ATM: variants seen among roughly 807,000 people sequenced by gnomAD.
ATM encodes the protein serine-protein kinase ATM.
ATM carries 308 observed loss-of-function variants against 387.0 expected under a neutral mutation model. That is an observed-to-expected ratio of 0.80 (90% CI 0.73 to 0.87). The LOEUF (loss-of-function observed/expected upper bound fraction) is 0.87. Among genes scored for constraint, ATM ranks in the 40% least tolerant of loss-of-function variants. ATM has a pLI of 0.00. For synonymous variants in ATM, 1,156 were observed against 1,187.3 expected (o/e 0.97, Z 0.54); for missense variants, 3,312 against 3,560.9 (o/e 0.93, Z 1.78).
intron 28 of ATM, 48 bp from the exon 29 acceptor site, chr11:108,289,554 C>T (rs2135758049): frequency 7.3e-7 from 1 of 1,379,230 alleles, no homozygotes. Flanking sequence ...TTTATTGTAG[C>T]CGAGTATCTA....
chr11:108,319,132 A>G (rs906336559), intron 43 of ATM, among the ~76,000 whole-genome samples: 3 of 152,000 alleles, frequency 2.0e-5, no homozygotes, highest in Non-Finnish European at 4.4e-5. Context: ...AGCCGAGATC[A>G]TGCCACTGCA....
chr11:108,244,352 C>T (rs1257179453), intron 6 of ATM, among the ~76,000 whole-genome samples: 2 of 151,992 alleles, frequency 1.3e-5, no homozygotes, highest in Non-Finnish European at 1.5e-5. Flanking sequence ...GTTCTGTTGA[C>T]CAGGAAAGTT....
At chr11:108,293,839 C>T in intron 31 of ATM, among the ~76,000 whole-genome samples, 1 of 144,388 alleles carries the variant, frequency 6.9e-6, no homozygotes. Flanking sequence ...GATTGCTCCA[C>T]TGCATTCCAG....
intron 4 of ATM, among the ~76,000 whole-genome samples, chr11:108,231,108 C>T (rs944767361): frequency 3.9e-5 from 6 of 152,120 alleles, no homozygotes; most frequent in African/African-American, 1.4e-4. Flanking sequence ...TGTGAGCTTC[C>T]TTGGCTGTCA....
chr11:108,284,637 C>T (rs369946193), intron 26 of ATM, among the ~76,000 whole-genome samples, 164 bp downstream of exon 26: 1 of 152,162 alleles, frequency 6.6e-6, no homozygotes, highest in East Asian at 1.9e-4. Context: ...TTGGTTATGT[C>T]GTGTTGTCTC....
intron 45 of ATM, 101 bp from the exon 46 acceptor site, chr11:108,325,209 A>G (rs1433332414): frequency 6.3e-6 from 5 of 797,836 alleles, no homozygotes; most frequent in Non-Finnish European, 9.9e-6. Context: ...GTTCCTTTGT[A>G]TTATTATAAT....
chr11:108,364,198 CTG>C (rs1183069486), intron 61 of ATM, among the ~76,000 whole-genome samples: 3 of 152,200 alleles, frequency 2.0e-5, no homozygotes, highest in Non-Finnish European at 4.4e-5. Flanking sequence ...TACTGAGAAA[CTG>C]TATACAGATA....
chr11:108,258,718 A>G (rs1170486694), intron 15 of ATM, among the ~76,000 whole-genome samples: 1 of 152,166 alleles, frequency 6.6e-6, no homozygotes, highest in Non-Finnish European at 1.5e-5. Flanking sequence ...GGGGAAGGAG[A>G]AAAGTAGAAT....
chr11:108,312,870 C>T (rs2084296658), intron 40 of ATM, among the ~76,000 whole-genome samples: 2 of 152,298 alleles, frequency 1.3e-5, no homozygotes. Flanking sequence ...ATTGCCTCTT[C>T]TATAAATTTC....
In ATM at chr11:108,226,459, T is replaced by A. The variant is rs549286947; in HGVS notation, c.-30-1136T>A. ...GCTACTCAGTGGAATCAAGGCATAG[T>A]AAAATATAGTTGATCCTTGATATTT... On this transcript the variant is annotated intron_variant, in intron 1 of 62. Transcript: ENST00000675843. 2.6e-5 allele frequency: 4 copies of A among 152,350 alleles called. No homozygotes were observed. In the South Asian group the frequency reaches 6.2e-4, roughly 24 times the overall value. The allele number at this position is 152,350 out of a possible 1,614,324, so 9.4% of individuals were successfully genotyped here.
intron 22 of ATM, among the ~76,000 whole-genome samples, chr11:108,276,690 G>A (rs1236555858): frequency 6.6e-6 from 1 of 152,186 alleles, no homozygotes; most frequent in Admixed American, 6.5e-5. Context: ...ATCATCCATG[G>A]AGGCTGCAGA....
chr11:108,237,752 A>G (rs943386694), intron 5 of ATM, among the ~76,000 whole-genome samples: 2 of 152,246 alleles, frequency 1.3e-5, no homozygotes, highest in East Asian at 3.9e-4. Flanking sequence ...TAAATTTTGG[A>G]ATCAGCTTAC....
chr11:108,232,956 G>C lies in ATM; in HGVS notation c.332-2714G>C, dbSNP rs555172130. 3.3e-5 allele frequency among the ~76,000 whole-genome samples: 5 copies of C among 151,874 alleles called. No homozygotes were observed. The South Asian group carries it at 1.0e-3, about 31-fold the overall frequency. ...TGGCTCACTGCAACCTCCGCCTCCC[G>C]GGCTCAAGCGATTCTCCCGCCTCAG... On this transcript the variant is annotated intron_variant, in intron 4 of 62. Coordinates refer to ENST00000675843, the MANE Select transcript of ATM (RefSeq NM_000051.4).
At chr11:108,271,498 T>A in intron 20 of ATM, 92 bp downstream of exon 20, 3 of 1,399,794 alleles carry the variant, frequency 2.1e-6, no homozygotes, top group Non-Finnish European at 3.0e-6. Flanking sequence ...TTTCTTCTGA[T>A]CTTCCTACAT....
chr11:108,249,208 T>C, intron 9 of ATM, 106 bp downstream of exon 9: 1 of 1,304,556 alleles, frequency 7.7e-7, no homozygotes, highest in South Asian at 1.2e-5. Flanking sequence ...ACTAAGTCAT[T>C]TGTCTACCCC....
chr11:108,293,518 CAT>C lies in ATM; in HGVS notation c.4776+43_4776+44del, dbSNP rs759726222. The C allele has an allele frequency of 1.5e-4, 227 of 1,503,594 alleles. No individual in the cohort carries two copies. The highest frequency in any genetic ancestry group is 2.0e-4 in the Middle Eastern group (1 of 4,986). 93.1% of individuals were successfully genotyped at this position (1,503,594 alleles called of 1,614,324 possible). A position where few individuals can be genotyped will look rare whatever the true frequency, so the allele number is the denominator to read the frequency against. ...TCATCTACTATTTTTTATTAGAGAA[CAT>C]AGTAGTACTTTTCAAAAATCTGTAA... is the stretch of plus-strand genomic sequence containing the variant. On this transcript the variant is annotated intron_variant, in intron 31 of 62. Coordinates refer to ENST00000675843, the MANE Select transcript of ATM (RefSeq NM_000051.4).
intron 5 of ATM, among the ~76,000 whole-genome samples, chr11:108,243,626 A>G (rs1344037896): frequency 6.6e-6 from 1 of 152,164 alleles, no homozygotes; most frequent in Non-Finnish European, 1.5e-5. Flanking sequence ...AAACAGAAGA[A>G]AGAAAAACCC....
rs755009196 is a variant in ATM, at chr11:108,332,024, C to G, written c.7775C>G (p.Ser2592Cys). 3.0e-5 allele frequency: 49 copies of G among 1,613,728 alleles called. No individual in the cohort carries two copies. The highest frequency in any genetic ancestry group is 4.2e-5 in the Non-Finnish European group (49 of 1,179,882). Residue 2592 changes from serine to cysteine, a missense_variant, in exon 52 of 63, where the codon TCT (serine) becomes TGT (cysteine). Physicochemically the swap from Ser to Cys is moderately radical, Grantham distance 112. Coordinates refer to ENST00000675843, the MANE Select transcript of ATM (RefSeq NM_000051.4). ...ACTAAAAATGTGCCTAAACAAAGCT[C>G]TCAGCTTGATGAGGTATTTGGATTA... The part of the protein sequence containing the change: ...RITKNVPKQS[S>C]QLDEDRTEAA...
chr11:108,330,475 A>T (rs2136469461), intron 50 of ATM, 54 bp downstream of exon 50: 1 of 1,566,872 alleles, frequency 6.4e-7, no homozygotes, highest in South Asian at 1.1e-5. Flanking sequence ...CTTAGACATA[A>T]GCCCCTTGAT....
Sources: gnomAD v4.1 joint callset for allele counts (sites outside exome capture counted in the v4.1 genomes callset) on GRCh38, gnomAD v4.1.1 for gene constraint, MANE v1.5 for transcripts, NCBI Gene and HGNC (gene_info 2026-07-23, HGNC 2026-07-21) for gene names.